DMD: variants seen among roughly 807,000 people sequenced by gnomAD.
The protein encoded by DMD is mutant dystrophin.
A neutral mutation model predicts 330.1 loss-of-function variants in DMD; 63 were observed. The ratio of observed to expected loss-of-function variants is 0.19; its 90% confidence interval spans 0.16 to 0.24. The LOEUF (loss-of-function observed/expected upper bound fraction) is 0.24, where lower values mean the gene tolerates loss of function less well. DMD is among the 10% of genes least tolerant of loss of function. The probability of loss-of-function intolerance (pLI) is 1.00; values close to 1 mark genes in which losing one functional copy is unlikely to be tolerated. For synonymous variants in DMD, 1,223 were observed against 959.8 expected (o/e 1.27, Z -5.07); for missense variants, 3,344 against 2,684.1 (o/e 1.25, Z -5.43).
At chrX:31,234,699 A>C (rs2047549816) in intron 63 of DMD, among the ~76,000 whole-genome samples, 2 of 112,290 alleles carry the variant, frequency 1.8e-5, no homozygotes, top group Non-Finnish European at 3.8e-5. Context: ...TGATGTGTCA[A>C]GCAACACACA....
At chrX:32,667,229 T>C (rs2061360500) in intron 9 of DMD, among the ~76,000 whole-genome samples, 1 of 111,614 alleles carries the variant, frequency 9.0e-6, no homozygotes, top group African/African-American at 3.3e-5. Context: ...GACTTTCAGT[T>C]TATTTAACAG....
intron 52 of DMD, among the ~76,000 whole-genome samples, chrX:31,683,939 G>A (rs143729648): frequency 2.4e-3 from 265 of 111,871 alleles, no homozygotes; most frequent in African/African-American, 7.9e-3. Flanking sequence ...AATTGTTTAC[G>A]TTCTTTTTCT....
chrX:31,188,106 C>A (rs1182767858), intron 67 of DMD, among the ~76,000 whole-genome samples: 1 of 112,280 alleles, frequency 8.9e-6, no homozygotes, highest in African/African-American at 3.2e-5. Flanking sequence ...CAAGATCCAT[C>A]ATGTTGGCTC....
intron 78 of DMD, among the ~76,000 whole-genome samples, chrX:31,126,103 G>T (rs1190669679): frequency 9.0e-6 from 1 of 111,724 alleles, no homozygotes; most frequent in Non-Finnish European, 1.9e-5. Context: ...GAAAAAGATG[G>T]CAAGTGCTGA....
At chrX:31,659,400 G>A (rs752102767) in intron 53 of DMD, among the ~76,000 whole-genome samples, 60 of 110,492 alleles carry the variant, frequency 5.4e-4, no homozygotes, top group Non-Finnish European at 8.3e-4. Context: ...CAGCACTTAG[G>A]GAGGCCAAGG....
intron 5 of DMD, among the ~76,000 whole-genome samples, chrX:32,817,831 C>T (rs186277024): frequency 8.9e-6 from 1 of 112,000 alleles, no homozygotes; most frequent in Non-Finnish European, 1.9e-5. Flanking sequence ...TTAGGATATA[C>T]TACTAAATCT....
intron 55 of DMD, among the ~76,000 whole-genome samples, chrX:31,607,096 T>C (rs80268218): frequency 0.016 from 1,795 of 111,806 alleles, 24 homozygotes; most frequent in East Asian, 0.1. Flanking sequence ...TCTATAGGAA[T>C]AACACTCATG....
intron 43 of DMD, among the ~76,000 whole-genome samples, chrX:32,281,362 T>C (rs2097420196): frequency 8.9e-6 from 1 of 112,592 alleles, no homozygotes; most frequent in Non-Finnish European, 1.9e-5. Flanking sequence ...ACCTTCTTTA[T>C]TAAAACAATT....
intron 55 of DMD, among the ~76,000 whole-genome samples, chrX:31,521,383 G>A (rs768297540): frequency 1.2e-4 from 13 of 110,660 alleles, no homozygotes; most frequent in African/African-American, 2.6e-4. Flanking sequence ...GGCTGGTGTC[G>A]AACTCCTAAC....
At chrX:33,129,192 T>A (rs373352223) in intron 1 of DMD, 3 of 110,473 alleles carry the variant, frequency 2.7e-5, no homozygotes, top group Non-Finnish European at 5.7e-5. Flanking sequence ...TCAAAGCATA[T>A]AAACTAAATT....
chrX:31,826,930 T>C (rs1193699622), intron 49 of DMD, among the ~76,000 whole-genome samples: 1 of 111,974 alleles, frequency 8.9e-6, no homozygotes, highest in Non-Finnish European at 1.9e-5. Context: ...TGTTTGTAAA[T>C]GGAAAAATCA....
intron 52 of DMD, among the ~76,000 whole-genome samples, chrX:31,708,204 T>C (rs2084342846): frequency 8.9e-6 from 1 of 112,092 alleles, no homozygotes; most frequent in Non-Finnish European, 1.9e-5. Context: ...AATTTTTTTC[T>C]ACCCTAAACT....
intron 9 of DMD, among the ~76,000 whole-genome samples, chrX:32,678,177 G>A (rs1263251169): frequency 8.9e-6 from 1 of 111,848 alleles, no homozygotes; most frequent in Non-Finnish European, 1.9e-5. Flanking sequence ...CTAAAGATCT[G>A]CTACACAACG....
chrX:32,490,872 C>T (rs7884521), intron 20 of DMD, among the ~76,000 whole-genome samples: 11,871 of 111,679 alleles, frequency 0.11, 1,064 homozygotes, highest in African/African-American at 0.28. Context: ...TCTAGTTATA[C>T]TGCATCCAAG....
In DMD at chrX:32,575,087, G is replaced by A. The variant is rs764084440; in HGVS notation, c.1603-1241C>T. Among the ~76,000 whole-genome samples the A allele has an allele frequency of 5.5e-5, 6 of 110,075 alleles. No homozygotes were observed. The Admixed American group carries it at 5.8e-4, about 11-fold the overall frequency. The stretch of plus-strand genomic sequence containing the variant: ...TAATTTTTGTATTTTTAGTAGACAC[G>A]GGGTTTCGCCATCTTGGCCAGGCTG... On this transcript the variant is annotated intron_variant, in intron 13 of 78. Transcript: ENST00000357033.
At chrX:31,798,899 T>A (rs1412586067) in intron 50 of DMD, among the ~76,000 whole-genome samples, 1 of 111,803 alleles carries the variant, frequency 8.9e-6, no homozygotes, top group Admixed American at 9.5e-5. Flanking sequence ...TCCCTCTAAA[T>A]TTCCTTAGCT....
At chrX:32,463,297 A>G in intron 25 of DMD, 142 bp downstream of exon 25, 1 of 446,859 alleles carries the variant, frequency 2.2e-6, no homozygotes, top group Non-Finnish European at 3.6e-6. Flanking sequence ...GCTAGAAAAA[A>G]GATTAATTTG....
chrX:32,627,481 GA>G (rs773962922), intron 11 of DMD, among the ~76,000 whole-genome samples: 1 of 105,869 alleles, frequency 9.4e-6, no homozygotes, highest in Admixed American at 9.9e-5. Flanking sequence ...TTGTGTGTCA[GA>G]AAAAAAGAGG....
intron 43 of DMD, among the ~76,000 whole-genome samples, chrX:32,255,246 G>A (rs1240288152): frequency 8.9e-6 from 1 of 111,782 alleles, no homozygotes; most frequent in East Asian, 2.8e-4. Flanking sequence ...CTATGAACTT[G>A]GGTGTACAAA....
Sources: allele counts gnomAD v4.1 joint callset (sites outside exome capture counted in the v4.1 genomes callset), GRCh38; gene constraint gnomAD v4.1.1; transcripts MANE v1.5; gene names NCBI Gene and HGNC (gene_info 2026-07-23, HGNC 2026-07-21).